SMARCA1: variants seen among roughly 807,000 people sequenced by gnomAD.
The protein encoded by SMARCA1 is SNF2 related chromatin remodeling ATPase 1.
SMARCA1 carries 17 observed loss-of-function variants against 93.6 expected under a neutral mutation model. That is an observed-to-expected ratio of 0.18 (90% CI 0.12 to 0.27). The LOEUF is 0.27. SMARCA1 is among the 10% of genes least tolerant of loss of function. SMARCA1 has a pLI of 1.00. For missense variants in SMARCA1, 630 were observed against 819.0 expected (o/e 0.77, Z 2.82); for synonymous variants, 271 against 271.4 (o/e 1.00, Z 0.01).
intron 17 of SMARCA1, 52 bp from the exon 18 acceptor site, chrX:129,481,237 T>C: frequency 1.3e-6 from 1 of 779,513 alleles, no homozygotes; most frequent in Non-Finnish European, 1.9e-6. Context: ...ACAACAGTTT[T>C]ATCAAAATCA....
intron 12 of SMARCA1, among the ~76,000 whole-genome samples, chrX:129,493,797 A>G (rs976810895): frequency 8.9e-6 from 1 of 112,021 alleles, no homozygotes; most frequent in Non-Finnish European, 1.9e-5. Flanking sequence ...TTTCCCTATA[A>G]AAGTGAGGAG....
At chrX:129,496,644 G>T in intron 12 of SMARCA1, 106 bp downstream of exon 12, 1 of 616,201 alleles carries the variant, frequency 1.6e-6, no homozygotes, top group Non-Finnish European at 2.5e-6. Context: ...GAAATTCAAT[G>T]CACCCACCTA....
intron 5 of SMARCA1, among the ~76,000 whole-genome samples, chrX:129,512,571 T>C (rs769796092): frequency 2.7e-5 from 3 of 111,691 alleles, no homozygotes; most frequent in Non-Finnish European, 5.6e-5. Context: ...AAATAATATA[T>C]TCAATATCTA....
intron 14 of SMARCA1, among the ~76,000 whole-genome samples, chrX:129,490,492 T>C (rs1487229464): frequency 8.9e-6 from 1 of 112,191 alleles, no homozygotes; most frequent in Non-Finnish European, 1.9e-5. Context: ...AGCCACTAAA[T>C]ATAAACATCT....
At chrX:129,464,998 A>T (rs1235746621) in intron 23 of SMARCA1, among the ~76,000 whole-genome samples, 1 of 111,479 alleles carries the variant, frequency 9.0e-6, no homozygotes, top group Non-Finnish European at 1.9e-5. Flanking sequence ...GGATTAAAAG[A>T]GATTAAAGAG....
chrX:129,476,175 T>TA (rs1281551849), intron 19 of SMARCA1, among the ~76,000 whole-genome samples: 1 of 112,143 alleles, frequency 8.9e-6, no homozygotes, highest in Non-Finnish European at 1.9e-5. Flanking sequence ...ATGCATTAAA[T>TA]AACAACTCCT....
At position 129,496,862 on chromosome X, in the gene SMARCA1, A is replaced by G; in HGVS notation, c.1514T>C (p.Val505Ala). 1 of 1,200,328 alleles carries G rather than the reference A, an allele frequency of 8.3e-7. No homozygotes were observed. The highest frequency in any genetic ancestry group is 1.1e-6 in the Non-Finnish European group (1 of 889,920). ...LAKLKEQGSR[V>A]LIFSQMTRLL... ...GCGAGTCATCTGGCTGAAAATGAGAACCCTTGAACCTAAAACATTTCACCA... is the reference window on the plus strand; with the variant it reads ...GCGAGTCATCTGGCTGAAAATGAGAGCCCTTGAACCTAAAACATTTCACCA... Residue 505 changes from valine to alanine, a missense_variant, in exon 12 of 25, where the codon GTT becomes GCT. Val to Ala is a moderately conservative substitution (Grantham distance 64). Around this residue, in one of 4 missense-constraint regions of SMARCA1, gnomAD observed 382 missense variants for 537.9 expected, o/e 0.71. Transcript: ENST00000371121.
chrX:129,447,062 T>C lies in SMARCA1; in HGVS notation c.*100A>G. ...TGCAAGAAATCAAAACCAAAGAGAT[T>C]TTTCTTAGAGTACCATGAATACACT... is the stretch of plus-strand genomic sequence containing the variant. On this transcript the variant is annotated 3_prime_UTR_variant, in exon 25 of 25. Coordinates refer to ENST00000371121, the MANE Select transcript of SMARCA1 (RefSeq NM_001282874.2). 1 of 624,608 alleles carries C rather than the reference T, an allele frequency of 1.6e-6. No individual in the cohort carries two copies. The highest frequency in any genetic ancestry group is 2.4e-6 in the Non-Finnish European group (1 of 417,341). 51.5% of individuals were successfully genotyped at this position (624,608 alleles called of 1,213,427 possible). A position where few individuals can be genotyped will look rare whatever the true frequency, so the allele number is the denominator to read the frequency against.
chrX:129,490,134 T>C lies in SMARCA1; in HGVS notation c.1874A>G (p.Asp625Gly), dbSNP rs1934065144. ...KPVRVFRLIT[D>G]NTVEERIVER... The stretch of plus-strand genomic sequence containing the variant: ...TACAATCCTCTCTTCAACAGTGTTG[T>C]CAGTGATGAGACGGAATACACGTAC... Residue 625 changes from aspartate (D) to glycine (G), a missense_variant, in exon 15 of 25, where the codon GAC becomes GGC. Physicochemically the swap from Asp to Gly is moderately conservative, Grantham distance 94. Coordinates refer to ENST00000371121, the MANE Select transcript of SMARCA1 (RefSeq NM_001282874.2). The C allele has an allele frequency of 8.4e-7, 1 of 1,186,642 alleles. No homozygotes were observed. Among genetic ancestry groups the C allele is most frequent in the Non-Finnish European group, 1.1e-6 (1 of 872,744 alleles).
Position 129,497,422 on chromosome X carries a change from C to T in SMARCA1, c.1504+423G>A, listed in dbSNP as rs761359615. On this transcript the variant is annotated intron_variant, in intron 11 of 24. Transcript: ENST00000371121. ...GCTCCATCCATCTTTCCAGATTCAT[C>T]AACTGCCACTCTACCCCAAGTACCA... Among the ~76,000 whole-genome samples the T allele has an allele frequency of 5.4e-5, 6 of 111,800 alleles. No homozygotes were observed. The South Asian group carries it at 2.3e-3, about 43-fold the overall frequency.
intron 9 of SMARCA1, among the ~76,000 whole-genome samples, chrX:129,503,300 C>A (rs1934637197): frequency 8.9e-6 from 1 of 112,310 alleles, no homozygotes; most frequent in Admixed American, 9.4e-5. Context: ...GTTGTGAAAT[C>A]TTCTTTACCA....
At position 129,512,688 on chromosome X, in the gene SMARCA1, G is replaced by A. The variant is rs549790574; in HGVS notation, c.631-705C>T. On this transcript the variant is annotated intron_variant, in intron 5 of 24. Coordinates refer to ENST00000371121, the MANE Select transcript of SMARCA1 (RefSeq NM_001282874.2). ...AAGATATATACTTCTTTTTATAAAT[G>A]TCTGCTTAAAGCTATTTTTTTATTG... is the stretch of plus-strand genomic sequence containing the variant. 8.4e-4 allele frequency among the ~76,000 whole-genome samples: 94 copies of A among 112,129 alleles called. 1 individual carries two copies. In the South Asian group the frequency reaches 0.01, roughly 12 times the overall value.
rs141585058 is a variant in SMARCA1, at chrX:129,465,524, G to A, written c.3026C>T (p.Ala1009Val). 8.5e-7 allele frequency: 1 copy of A among 1,175,967 alleles called. No individual in the cohort carries two copies. Among genetic ancestry groups the A allele is most frequent in the African/African-American group, 1.8e-5 (1 of 56,244 alleles). Residue 1009 changes from alanine (A) to valine (V), a missense_variant, in exon 23 of 25, where the codon GCC becomes GTC. Around this residue, in one of 4 missense-constraint regions of SMARCA1, gnomAD observed 93 missense variants for 160.8 expected, o/e 0.58. Coordinates refer to ENST00000371121, the MANE Select transcript of SMARCA1 (RefSeq NM_001282874.2). The stretch of plus-strand genomic sequence containing the variant: ...CGGTAAGAAAGGAATACATACCATG[G>A]CAGTCCTAGACTTGATAAACCAGTC... ...RFDWFIKSRT[A>V]MEFQRRCNTL...
chrX:129,465,572 C>T lies in SMARCA1; in HGVS notation c.2978G>A (p.Arg993Gln). 1 of 1,206,405 alleles carries T rather than the reference C, an allele frequency of 8.3e-7. No individual in the cohort carries two copies. The highest frequency in any genetic ancestry group is 1.1e-6 in the Non-Finnish European group (1 of 891,348). The change falls in exon 23 of 25, where the codon CGA (arginine) becomes CAA (glutamine). Residue 993 changes from arginine to glutamine, a missense_variant. By Grantham distance (43) the Arg-to-Gln change is conservative. Transcript: ENST00000371121. The stretch of plus-strand genomic sequence containing the variant: ...GTCAAATCTAAACTGGGGAGCATTT[C>T]GTACACACTGTCTTAATTCTTCATA... ...NVYEELRQCV[R>Q]NAPQFRFDWF...
intron 9 of SMARCA1, among the ~76,000 whole-genome samples, chrX:129,502,930 G>A (rs1182765285): frequency 8.9e-6 from 1 of 111,933 alleles, no homozygotes. Context: ...AGAATAGGAA[G>A]AGATGAGATC....
intron 23 of SMARCA1, among the ~76,000 whole-genome samples, chrX:129,461,099 T>C (rs983590571): frequency 4.5e-5 from 5 of 111,599 alleles, no homozygotes; most frequent in Non-Finnish European, 9.4e-5. Context: ...GAAAAATGCA[T>C]TGAAACTACT....
intron 19 of SMARCA1, among the ~76,000 whole-genome samples, chrX:129,473,864 G>A (rs1230230055): frequency 2.7e-5 from 3 of 111,857 alleles, no homozygotes; most frequent in Non-Finnish European, 3.8e-5. Context: ...ATCTTTATAG[G>A]AGGAGTTCGA....
At chrX:129,469,336 T>C (rs749704240) in intron 20 of SMARCA1, among the ~76,000 whole-genome samples, 4 of 70,895 alleles carry the variant, frequency 5.6e-5, no homozygotes, top group Non-Finnish European at 8.7e-5. Flanking sequence ...CAAAAGATAA[T>C]GCAAAAAAAA....
intron 9 of SMARCA1, among the ~76,000 whole-genome samples, chrX:129,504,151 G>T (rs1362916715): frequency 9.0e-6 from 1 of 110,851 alleles, no homozygotes; most frequent in Non-Finnish European, 1.9e-5. Flanking sequence ...GGTGGCACAC[G>T]CCTGTAATCC....
Sources: allele counts gnomAD v4.1 joint callset (sites outside exome capture counted in the v4.1 genomes callset), GRCh38; gene constraint gnomAD v4.1.1; regional missense constraint gnomAD v4.1.1; transcripts MANE v1.5; gene names NCBI Gene and HGNC (gene_info 2026-07-23, HGNC 2026-07-21).